PCDHA6: variants seen among roughly 807,000 people sequenced by gnomAD.
PCDHA6 encodes protocadherin alpha 6, also known as protocadherin alpha-6.
In PCDHA6, 55 loss-of-function variants were observed where a neutral mutation model predicts 60.3. The observed-to-expected ratio is 0.91, with a 90% CI of 0.73 to 1.14. The LOEUF (loss-of-function observed/expected upper bound fraction) is 1.14. Ranked by LOEUF, PCDHA6 falls within the 50% of genes most tolerant of loss-of-function variation. The pLI is 0.00. For missense variants in PCDHA6, 1,327 were observed against 1,256.5 expected, an observed-to-expected ratio of 1.06 and a Z score of -0.85; for synonymous variants, 652 against 557.9, an observed-to-expected ratio of 1.17 and a Z score of -2.38.
chr5:140,948,492 A>C (rs915795889), intron 1 of PCDHA6, among the ~76,000 whole-genome samples: 1 of 151,594 alleles, frequency 6.6e-6, no homozygotes, highest in Non-Finnish European at 1.5e-5. Flanking sequence ...AATTTCTTTC[A>C]TAGACTTTCT....
intron 3 of PCDHA6, among the ~76,000 whole-genome samples, chr5:140,995,110 C>T (rs1047046754): frequency 4.6e-5 from 7 of 152,198 alleles, no homozygotes; most frequent in Non-Finnish European, 7.3e-5. Flanking sequence ...TTCCAAGACC[C>T]TCAGTGGATG....
chr5:140,850,299 G>A, intron 1 of PCDHA6: 1 of 1,596,610 alleles, frequency 6.3e-7, no homozygotes, highest in Non-Finnish European at 8.6e-7. Flanking sequence ...CGCCGACTCG[G>A]GCTACAACGC....
rs782195215 is a variant in PCDHA6 at position 140,856,375 on chromosome 5, G to A, written c.2394+25890G>A. The stretch of plus-strand genomic sequence containing the variant: ...GCAGCATCCACCTGGAGGTGATCGT[G>A]GACAGGCCGCTGCAGGTTTTCCATG... On this transcript the variant is annotated intron_variant, in intron 1 of 3. Transcript: ENST00000529310. The A allele has an allele frequency of 1.9e-5, 30 of 1,598,518 alleles. 2 individuals are homozygous for A. The highest frequency in any genetic ancestry group is 2.5e-5 in the Non-Finnish European group (29 of 1,167,968).
At chr5:140,841,330 T>C (rs2150313655) in intron 1 of PCDHA6, 15 of 1,609,434 alleles carry the variant, frequency 9.3e-6, no homozygotes, top group Non-Finnish European at 1.1e-5. Context: ...ACATGGATTA[T>C]CACTGGCGAG....
intron 1 of PCDHA6, among the ~76,000 whole-genome samples, chr5:140,972,097 T>C (rs1554233843): frequency 1.3e-5 from 2 of 152,196 alleles, no homozygotes; most frequent in South Asian, 2.1e-4. Context: ...ATTTCTGGCA[T>C]AGAAGCAGGT....
chr5:140,969,585 T>A (rs2096344806), intron 1 of PCDHA6: 1 of 896,450 alleles, frequency 1.1e-6, no homozygotes, highest in Admixed American at 3.0e-5. Flanking sequence ...TGAGGATTAG[T>A]CTTAATATTT....
chr5:140,857,108 C>T, intron 1 of PCDHA6: 6 of 1,597,856 alleles, frequency 3.8e-6, no homozygotes, highest in Non-Finnish European at 5.1e-6. Context: ...TGTCACTTCT[C>T]TGTCTCTCCC....
rs201694939 is a variant in PCDHA6, at chr5:140,830,233, G to A, written c.2142G>A (p.Thr714=). 38 of 1,613,906 alleles carry A rather than the reference G, an allele frequency of 2.4e-5. No individual in the cohort carries two copies. In the Admixed American group the frequency reaches 4.8e-4, roughly 21 times the overall value. ...ICAVSSLLVL[T]LLLYTALRCS... ...CGGTATCCAGCCTGCTGGTCCTCAC[G>A]CTACTGCTGTACACAGCGCTGCGGT... Residue 714 remains threonine, a synonymous_variant, in exon 1 of 4, where the codon ACG becomes ACA. Transcript: ENST00000529310.
chr5:140,883,098 T>C lies in PCDHA6; in HGVS notation c.2394+52613T>C, dbSNP rs369154076. 21 of 1,614,014 alleles carry C rather than the reference T, an allele frequency of 1.3e-5. No homozygotes were observed. In the East Asian group the frequency reaches 4.0e-4, roughly 31 times the overall value. On this transcript the variant is annotated intron_variant, in intron 1 of 3. Coordinates refer to ENST00000529310, the MANE Select transcript of PCDHA6 (RefSeq NM_018909.4). ...CCTGATGATGGTACAAATGGAGATA[T>C]AGTTTACTCATTTAGAAGGCCTGTA... is the stretch of plus-strand genomic sequence containing the variant.
chr5:140,875,949 T>G (rs1306170767), intron 1 of PCDHA6: 3 of 1,614,214 alleles, frequency 1.9e-6, no homozygotes, highest in East Asian at 4.5e-5. Flanking sequence ...GCGCTTCTGA[T>G]GCGGATATCG....
intron 1 of PCDHA6, chr5:140,836,859 A>G: frequency 1.3e-6 from 1 of 776,996 alleles, no homozygotes. Flanking sequence ...ATTATTTTTT[A>G]ATGTTATGCT....
intron 1 of PCDHA6, among the ~76,000 whole-genome samples, chr5:140,874,171 G>C (rs2054750145): frequency 6.6e-6 from 1 of 152,080 alleles, no homozygotes; most frequent in Admixed American, 6.5e-5. Flanking sequence ...ACTCTTTCCT[G>C]GTGTTGTAAA....
Position 140,857,975 on chromosome 5 carries a change from C to T in PCDHA6, c.2394+27490C>T, listed in dbSNP as rs782181380. The T allele has an allele frequency of 7.5e-6, 12 of 1,596,906 alleles. 2 individuals are homozygous for T. In the Admixed American group the frequency reaches 1.0e-4, roughly 14 times the overall value. On this transcript the variant is annotated intron_variant, in intron 1 of 3. Coordinates refer to ENST00000529310, the MANE Select transcript of PCDHA6 (RefSeq NM_018909.4). ...CGCTCTGGATGAGACTGACTCGCCA[C>T]GCCAGCGCCTACTGGTGCTGGTGAA...
rs2150167889 is a variant in PCDHA6 at position 140,829,438 on chromosome 5, T to C, written c.1347T>C (p.Asn449=). Residue 449 remains asparagine, a synonymous_variant, in exon 1 of 4, where the codon AAT becomes AAC. Transcript: ENST00000529310. ...ASLSVEVADM[N]DNAPAFAQPE... ...TGTCTGTGGAGGTGGCCGACATGAATGACAATGCTCCGGCGTTCGCGCAGC... is the reference window on the plus strand; with the variant it reads ...TGTCTGTGGAGGTGGCCGACATGAACGACAATGCTCCGGCGTTCGCGCAGC... The C allele has an allele frequency of 1.7e-4, 279 of 1,613,934 alleles. No individual in the cohort carries two copies. Among genetic ancestry groups the C allele is most frequent in the African/African-American group, 8.9e-4 (67 of 75,020 alleles).
intron 3 of PCDHA6, among the ~76,000 whole-genome samples, chr5:140,997,500 C>T (rs567570276): frequency 5.3e-4 from 80 of 152,250 alleles, no homozygotes; most frequent in South Asian, 3.9e-3. Context: ...TGTATCTCAA[C>T]ATACCTAAAC....
rs191251073 is a variant in PCDHA6, at chr5:140,928,748, G to A, written c.2395-50201G>A. 503 of 1,614,114 alleles carry A rather than the reference G, an allele frequency of 3.1e-4. 5 individuals carry two copies. The East Asian group carries it at 1.0e-2, about 32-fold the overall frequency. Reference sequence around the variant, plus strand: ...ATTTCAGCCAATATAGGTGAGCTCCGTACTGCTCGCTTAGTTCTTCCCACT... The same window carrying A: ...ATTTCAGCCAATATAGGTGAGCTCCATACTGCTCGCTTAGTTCTTCCCACT... On this transcript the variant is annotated intron_variant, in intron 1 of 3. Transcript: ENST00000529310.
chr5:140,914,933 T>C (rs1025071911), intron 1 of PCDHA6, among the ~76,000 whole-genome samples: 1 of 149,146 alleles, frequency 6.7e-6, no homozygotes, highest in Non-Finnish European at 1.5e-5. Flanking sequence ...TACTATGTTG[T>C]GAAAAGTTGT....
At chr5:140,856,403 G>T in intron 1 of PCDHA6, 2 of 1,598,562 alleles carry the variant, frequency 1.3e-6, no homozygotes, top group South Asian at 2.2e-5. Context: ...TTTCCATGTG[G>T]ACGTGGAAGT....
At chr5:140,988,503 GAA>G (rs2097300771) in intron 3 of PCDHA6, among the ~76,000 whole-genome samples, 1 of 152,152 alleles carries the variant, frequency 6.6e-6, no homozygotes, top group Non-Finnish European at 1.5e-5. Flanking sequence ...GAGAAGCCAT[GAA>G]GCTTACTTAA....
Sources: allele counts gnomAD v4.1 joint callset (sites outside exome capture counted in the v4.1 genomes callset), GRCh38; gene constraint gnomAD v4.1.1; transcripts MANE v1.5; gene names NCBI Gene and HGNC (gene_info 2026-07-23, HGNC 2026-07-21).